Variants in KHDRBS2 observed in about 807,000 individuals in gnomAD.
The protein encoded by KHDRBS2 is KH RNA binding domain containing, signal transduction associated 2.
In KHDRBS2, 26 loss-of-function variants were observed where a neutral mutation model predicts 44.3. The ratio of observed to expected loss-of-function variants is 0.59; its 90% CI spans 0.43 to 0.81. The LOEUF is 0.81. Among genes scored for constraint, KHDRBS2 ranks in the 40% least tolerant of loss-of-function variants. The probability of loss-of-function intolerance (pLI) is 0.00; values close to 1 mark genes in which losing one functional copy is unlikely to be tolerated. For synonymous variants in KHDRBS2, 194 were observed against 151.1 expected, an observed-to-expected ratio of 1.28 and a Z score of -2.08; for missense variants, 476 against 433.1, an observed-to-expected ratio of 1.10 and a Z score of -0.88.
chr6:61,697,356 C>A, intron 7 of KHDRBS2, 103 bp from the exon 8 acceptor site: 1 of 753,992 alleles, frequency 1.3e-6, no homozygotes, highest in Non-Finnish European at 2.4e-6. Flanking sequence ...GGTAATATTC[C>A]AGGAACTTCA....
chr6:61,958,081 G>A (rs548625854), intron 4 of KHDRBS2, among the ~76,000 whole-genome samples: 1 of 152,150 alleles, frequency 6.6e-6, no homozygotes, highest in African/African-American at 2.4e-5. Flanking sequence ...ATAAAGTTCT[G>A]ATTGACCTAG....
chr6:61,570,868 G>T, the KHDRBS2 span, among the ~76,000 whole-genome samples: 1 of 152,006 alleles, frequency 6.6e-6, no homozygotes, highest in Non-Finnish European at 1.5e-5. Context: ...ACAAACAAAT[G>T]CTGAAGAGTT....
intron 8 of KHDRBS2, among the ~76,000 whole-genome samples, chr6:61,695,895 C>T (rs1214641089): frequency 6.6e-6 from 1 of 151,972 alleles, no homozygotes; most frequent in African/African-American, 2.4e-5. Flanking sequence ...CATATGAAGC[C>T]CCAAACACAG....
intron 4 of KHDRBS2, among the ~76,000 whole-genome samples, chr6:61,940,771 T>A (rs114849195): frequency 1.6e-3 from 237 of 152,264 alleles, no homozygotes; most frequent in African/African-American, 5.5e-3. Flanking sequence ...CAAGTGATCA[T>A]GGGCTAACAT....
chr6:62,251,785 C>T (rs1165796524), intron 1 of KHDRBS2, among the ~76,000 whole-genome samples: 3 of 151,820 alleles, frequency 2.0e-5, no homozygotes, highest in Admixed American at 6.6e-5. Flanking sequence ...GAAAATCAAC[C>T]AAAAATAGGT....
At chr6:62,141,193 A>G (rs1304559893) in intron 2 of KHDRBS2, among the ~76,000 whole-genome samples, 1 of 152,202 alleles carries the variant, frequency 6.6e-6, no homozygotes, top group Non-Finnish European at 1.5e-5. Context: ...GAAGATGTTG[A>G]GAGTAGAATG....
chr6:61,777,199 T>G lies in KHDRBS2; in HGVS notation c.811-44435A>C, dbSNP rs184175396. On this transcript the variant is annotated intron_variant, in intron 6 of 8. Coordinates refer to ENST00000281156, the MANE Select transcript of KHDRBS2 (RefSeq NM_152688.4). Reference sequence around the variant, plus strand: ...ATACACCTAATGCTAAATGATGAGTTAATGGGTGCAGCACACCAACATGGC... The same window carrying G: ...ATACACCTAATGCTAAATGATGAGTGAATGGGTGCAGCACACCAACATGGC... Among the ~76,000 whole-genome samples, 386 of 152,064 alleles carry G rather than the reference T, an allele frequency of 2.5e-3. 1 individual carries two copies. Among genetic ancestry groups the G allele is most frequent in the Non-Finnish European group, 4.4e-3 (302 of 67,984 alleles).
intron 6 of KHDRBS2, among the ~76,000 whole-genome samples, chr6:61,861,239 T>C (rs1439508708): frequency 6.6e-6 from 1 of 152,096 alleles, no homozygotes; most frequent in Non-Finnish European, 1.5e-5. Flanking sequence ...TGGTCAATTA[T>C]TTGCTTTTGT....
At chr6:62,276,693 T>C (rs932828566) in intron 1 of KHDRBS2, among the ~76,000 whole-genome samples, 2 of 152,234 alleles carry the variant, frequency 1.3e-5, no homozygotes, top group African/African-American at 4.8e-5. Context: ...TGATATCATA[T>C]AATAATTCAT....
At chr6:61,859,980 A>G (rs1394208654) in intron 6 of KHDRBS2, among the ~76,000 whole-genome samples, 4 of 152,012 alleles carry the variant, frequency 2.6e-5, no homozygotes, top group African/African-American at 9.7e-5. Flanking sequence ...TATTTGAGAC[A>G]TAGAGAAGAG....
At chr6:61,658,961 T>C in the KHDRBS2 span, among the ~76,000 whole-genome samples, 3 of 151,932 alleles carry the variant, frequency 2.0e-5, no homozygotes, top group Non-Finnish European at 4.4e-5. Context: ...GTTTTTATAT[T>C]GATATTCTTT....
the KHDRBS2 span, among the ~76,000 whole-genome samples, chr6:61,646,886 C>A: frequency 6.6e-6 from 1 of 152,070 alleles, no homozygotes; most frequent in Non-Finnish European, 1.5e-5. Flanking sequence ...GTGGCGTGAT[C>A]TTGGCTCACT....
intron 4 of KHDRBS2, among the ~76,000 whole-genome samples, chr6:61,947,991 G>A (rs1195858317): frequency 6.6e-6 from 1 of 151,038 alleles, no homozygotes; most frequent in African/African-American, 2.4e-5. Flanking sequence ...TGAAGTTCAG[G>A]AGAGCTGAAG....
At chr6:61,883,048 A>G (rs1800421627) in intron 6 of KHDRBS2, among the ~76,000 whole-genome samples, 1 of 152,052 alleles carries the variant, frequency 6.6e-6, no homozygotes, top group African/African-American at 2.4e-5. Context: ...ATGAACTCAG[A>G]AGGAAAAACA....
chr6:61,722,606 A>T (rs1772828196), intron 7 of KHDRBS2, among the ~76,000 whole-genome samples: 1 of 152,038 alleles, frequency 6.6e-6, no homozygotes, highest in Admixed American at 6.6e-5. Flanking sequence ...CTACTATTTT[A>T]TTTTCACAAT....
chr6:61,661,941 C>T, the KHDRBS2 span, among the ~76,000 whole-genome samples: 147,539 of 151,660 alleles, frequency 0.97, 71,796 homozygotes, highest in East Asian at 1. Flanking sequence ...CATCGCCAAG[C>T]CAATCCTAAG....
the KHDRBS2 span, among the ~76,000 whole-genome samples, chr6:61,603,333 A>T: frequency 6.6e-6 from 1 of 152,044 alleles, no homozygotes; most frequent in East Asian, 1.9e-4. Context: ...ACAACCCATT[A>T]TTCTGTTCTG....
chr6:61,619,642 A>T, the KHDRBS2 span, among the ~76,000 whole-genome samples: 12 of 152,010 alleles, frequency 7.9e-5, no homozygotes, highest in Non-Finnish European at 1.5e-4. Context: ...TCAGTAGAGA[A>T]GGGGTTTCTC....
intron 1 of KHDRBS2, among the ~76,000 whole-genome samples, chr6:62,183,155 C>G (rs920577920): frequency 6.6e-6 from 1 of 151,720 alleles, no homozygotes; most frequent in African/African-American, 2.4e-5. Flanking sequence ...ATGCTTAACA[C>G]AAGTTATTTT....
Sources: gnomAD v4.1 joint callset for allele counts (sites outside exome capture counted in the v4.1 genomes callset) on GRCh38, gnomAD v4.1.1 for gene constraint, MANE v1.5 for transcripts, NCBI Gene and HGNC (gene_info 2026-07-23, HGNC 2026-07-21) for gene names.